The following ZNF419 variants were observed in gnomAD, a reference collection of about 807,000 sequenced individuals.
The protein encoded by ZNF419 is zinc finger protein 419A.
In ZNF419, 8 loss-of-function variants were observed where a neutral mutation model predicts 14.9. That is an observed-to-expected ratio of 0.54 (90% CI 0.32 to 0.97). The LOEUF is 0.97. ZNF419 is among the 50% of genes least tolerant of loss of function. The probability of loss-of-function intolerance (pLI) is 0.04; values close to 1 mark genes in which losing one functional copy is unlikely to be tolerated. For synonymous variants in ZNF419, 211 were observed against 205.3 expected (o/e 1.03, Z -0.24); for missense variants, 595 against 607.2 (o/e 0.98, Z 0.21).
chr19:57,488,855 G>T (rs376166659), intron 1 of ZNF419: 2 of 152,482 alleles, frequency 1.3e-5, no homozygotes, highest in Admixed American at 6.5e-5. Context: ...AGAGAAGGGA[G>T]AGATGGCCCT....
chr19:57,494,134 C>T lies in ZNF419; in HGVS notation c.*44C>T. On this transcript the variant is annotated 3_prime_UTR_variant, in exon 5 of 5. Transcript: ENST00000221735. ...CCAGCGTTTCAACCTCATTCAACAC[C>T]AGAAAGTTCACAGTGGAAAAAATCT... 1.9e-6 allele frequency: 3 copies of T among 1,541,802 alleles called. No individual in the cohort carries two copies. Among genetic ancestry groups the T allele is most frequent in the Non-Finnish European group, 2.6e-6 (3 of 1,150,152 alleles).
chr19:57,490,069 C>T (rs2089448190), intron 1 of ZNF419, 78 bp from the exon 2 acceptor site: 8 of 1,401,040 alleles, frequency 5.7e-6, no homozygotes, highest in African/African-American at 5.6e-5. Context: ...GCACACCTGA[C>T]TCCAGGCTAG....
At chr19:57,491,420 A>C in intron 2 of ZNF419, 51 bp from the exon 3 acceptor site, 5 of 1,606,168 alleles carry the variant, frequency 3.1e-6, no homozygotes, top group Non-Finnish European at 4.3e-6. Flanking sequence ...AGATGCCTAA[A>C]TTTCCCAGTA....
rs181849640 is a variant in ZNF419 at position 57,492,281 on chromosome 19, A to T, written c.298+70A>T. The T allele has an allele frequency of 3.4e-5, 51 of 1,517,092 alleles. No individual in the cohort carries two copies. The Middle Eastern group carries it at 1.7e-3, about 51-fold the overall frequency. The allele number at this position is 1,517,092 out of a possible 1,614,324, so 94.0% of individuals were successfully genotyped here. A position where few individuals can be genotyped will look rare whatever the true frequency, so the allele number is the denominator to read the frequency against. ...ATTCATATCATACCAGTAGGCCCAG[A>T]TATTTTGATACCAAGGCAAGGGGTT... On this transcript the variant is annotated intron_variant, in intron 4 of 4. Transcript: ENST00000221735.
intron 2 of ZNF419, 34 bp from the exon 3 acceptor site, chr19:57,491,437 C>G (rs1278848631): frequency 6.2e-7 from 1 of 1,608,760 alleles, no homozygotes; most frequent in African/African-American, 1.3e-5. Flanking sequence ...AGTAAGGAGG[C>G]TGCAGATAAA....
chr19:57,489,813 A>C (rs1600132522), intron 1 of ZNF419: 1 of 219,508 alleles, frequency 4.6e-6, no homozygotes, highest in Non-Finnish European at 9.1e-6. Flanking sequence ...TTGAAAACCT[A>C]CCAGTTTATT....
At chr19:57,492,412 A>T in intron 4 of ZNF419, 1 of 790,064 alleles carries the variant, frequency 1.3e-6, no homozygotes, top group Non-Finnish European at 2.3e-6. Flanking sequence ...TCACCCAGTC[A>T]TCAGCAGAAC....
intron 1 of ZNF419, chr19:57,489,648 CT>C: frequency 6.4e-6 from 1 of 155,448 alleles, no homozygotes; most frequent in Non-Finnish European, 1.4e-5. Context: ...CACCACCACG[CT>C]CAGCTAATTT....
At chr19:57,490,322 C>G (rs1422818724) in intron 2 of ZNF419, 137 bp downstream of exon 2, 6 of 708,682 alleles carry the variant, frequency 8.5e-6, no homozygotes, top group Non-Finnish European at 1.5e-5. Context: ...TGGTCACACA[C>G]AGTCAGGGCC....
Position 57,490,184 on chromosome 19 carries a change from A to C in ZNF419, c.71A>C (p.Glu24Ala). 3 of 1,613,322 alleles carry C rather than the reference A, an allele frequency of 1.9e-6. No individual in the cohort carries two copies. The highest frequency in any genetic ancestry group is 2.5e-6 in the Non-Finnish European group (3 of 1,179,702). ...GCAGACTTGCTTACAGACCATGAGG[A>C]GGTAAGTGGAGGATGTCTCAGGTCC... ...VAADLLTDHE[E>A]GYVTFEDVAV... The change falls in exon 2 of 5, where the codon GAG becomes GCG. Residue 24 changes from glutamate to alanine, a missense_variant and splice_region_variant. Transcript: ENST00000221735.
In ZNF419 at chr19:57,493,162, A is replaced by AT. The variant is rs1568571187; in HGVS notation, c.607dup (p.Tyr203LeufsTer5). The AT allele has an allele frequency of 1.2e-6, 2 of 1,614,276 alleles. No individual in the cohort carries two copies. The highest frequency in any genetic ancestry group is 2.2e-5 in the South Asian group (2 of 91,090). On this transcript the variant is annotated frameshift_variant, in exon 5 of 5. Coordinates refer to ENST00000221735, the MANE Select transcript of ZNF419 (RefSeq NM_024691.4). LOFTEE classifies it low-confidence loss of function (END_TRUNC). Reference sequence around the variant, plus strand: ...GAGGCCTTTCATGCTGGAAAAAGGCATTACAAATGCAGTGAATGTGGGAAA... The same window carrying AT: ...GAGGCCTTTCATGCTGGAAAAAGGCATTTACAAATGCAGTGAATGTGGGAAA...
Position 57,493,700 on chromosome 19 carries a change from C to T in ZNF419, c.1143C>T (p.Thr381=). The change falls in exon 5 of 5, where the codon ACC becomes ACT. Residue 381 remains threonine, a synonymous_variant. Coordinates refer to ENST00000221735, the MANE Select transcript of ZNF419 (RefSeq NM_024691.4). ...GCAGCGACTGTGGGAAATTTTTTAC[C>T]CAATGCTCAAGCCTCATGCAACATC... is the stretch of plus-strand genomic sequence containing the variant. ...YKCSDCGKFF[T]QCSSLMQHQK... is the part of the protein sequence containing the mutation. 1.2e-6 allele frequency: 2 copies of T among 1,613,950 alleles called. No individual in the cohort carries two copies. The highest frequency in any genetic ancestry group is 2.2e-5 in the South Asian group (2 of 91,066).
In ZNF419 at chr19:57,495,187, GA is replaced by G. The variant is rs1196354696; in HGVS notation, c.*1098del. 3 of 152,034 alleles carry G rather than the reference GA, an allele frequency of 2.0e-5. No homozygotes were observed. The highest frequency in any genetic ancestry group is 2.9e-5 in the Non-Finnish European group (2 of 68,026). 9.4% of individuals were successfully genotyped at this position (152,034 alleles called of 1,614,324 possible). On this transcript the variant is annotated 3_prime_UTR_variant, in exon 5 of 5. Transcript: ENST00000221735. ...CTTTTCTTTTTTAAAATTTAGAGAT[GA>G]GGTCGTGCTATGTTGCACAGACTAG...
At chr19:57,492,464 G>T (rs763160380) in intron 4 of ZNF419, 2 of 767,738 alleles carry the variant, frequency 2.6e-6, no homozygotes, top group South Asian at 1.4e-5. Flanking sequence ...TGAGGTGGAT[G>T]CTTATCCTTG....
chr19:57,494,104 T>G lies in ZNF419; in HGVS notation c.*14T>G, dbSNP rs370236575. On this transcript the variant is annotated 3_prime_UTR_variant, in exon 5 of 5. Coordinates refer to ENST00000221735, the MANE Select transcript of ZNF419 (RefSeq NM_024691.4). ...GAAATGCAGTGATTGTGTGAAATCC[T>G]TTAGCCAGCGTTTCAACCTCATTCA... 1.9e-6 allele frequency: 3 copies of G among 1,571,498 alleles called. No homozygotes were observed. Among genetic ancestry groups the G allele is most frequent in the Non-Finnish European group, 2.6e-6 (3 of 1,161,900 alleles).
chr19:57,489,484 C>CTTTTTTTTTTT (rs10602834), intron 1 of ZNF419: 1 of 85,396 alleles, frequency 1.2e-5, no homozygotes, highest in Non-Finnish European at 2.3e-5. Context: ...TTCTTTCTTT[C>CTTTTTTTTTTT]TTTTTTTTTT....
At chr19:57,492,074 T>G in intron 3 of ZNF419, 39 bp from the exon 4 acceptor site, 1 of 1,514,184 alleles carries the variant, frequency 6.6e-7, no homozygotes, top group Non-Finnish European at 9.2e-7. Context: ...GATAAGTCAT[T>G]CTGGCTCAGT....
chr19:57,492,666 C>G, intron 4 of ZNF419, 190 bp from the exon 5 acceptor site: 2 of 831,060 alleles, frequency 2.4e-6, no homozygotes, highest in Non-Finnish European at 2.1e-6. Flanking sequence ...GCTCATGAGG[C>G]CTCCCCAAAT....
At position 57,493,297 on chromosome 19, in the gene ZNF419, T is replaced by C. The variant is rs1351613688; in HGVS notation, c.740T>C (p.Phe247Ser). ...TTATTTAGAGATATGTCCAACCTTT[T>C]TATACACCAAATAGTTCACACTGGA... ...GKLFRDMSNL[F>S]IHQIVHTGER... Residue 247 changes from phenylalanine to serine, a missense_variant, in exon 5 of 5, where the codon TTT (phenylalanine) becomes TCT (serine). Phe to Ser is a radical substitution (Grantham distance 155). Coordinates refer to ENST00000221735, the MANE Select transcript of ZNF419 (RefSeq NM_024691.4). The C allele has an allele frequency of 5.6e-6, 9 of 1,614,120 alleles. No homozygotes were observed. The Middle Eastern group carries it at 4.9e-4, about 88-fold the overall frequency.
Sources: allele counts gnomAD v4.1 joint callset, GRCh38; gene constraint gnomAD v4.1.1; transcripts MANE v1.5; gene names NCBI Gene and HGNC (gene_info 2026-07-23, HGNC 2026-07-21).